SPOCK3: variants seen among roughly 807,000 people sequenced by gnomAD.
The protein encoded by SPOCK3 is SPARC (osteonectin), cwcv and kazal like domains proteoglycan 3.
In SPOCK3, 30 loss-of-function variants were observed where a neutral mutation model predicts 56.6. The ratio of observed to expected loss-of-function variants is 0.53; its 90% CI spans 0.40 to 0.72. The LOEUF (loss-of-function observed/expected upper bound fraction) is 0.72, where lower values mean the gene tolerates loss of function less well. Among genes scored for constraint, SPOCK3 ranks in the 30% least tolerant of loss-of-function variants. The pLI is 0.00. For missense variants in SPOCK3, 527 were observed against 530.0 expected, an observed-to-expected ratio of 0.99 and a Z score of 0.06; for synonymous variants, 196 against 183.3, an observed-to-expected ratio of 1.07 and a Z score of -0.56.
intron 2 of SPOCK3, among the ~76,000 whole-genome samples, chr4:167,109,498 A>G (rs1760700285): frequency 1.7e-5 from 2 of 116,894 alleles, no homozygotes; most frequent in East Asian, 2.3e-4. Context: ...ATATTTATAT[A>G]TTTTATATAA....
intron 2 of SPOCK3, among the ~76,000 whole-genome samples, chr4:167,227,253 T>C (rs1040334051): frequency 1.6e-4 from 24 of 152,166 alleles, no homozygotes; most frequent in African/African-American, 5.8e-4. Flanking sequence ...ATTTCTATTT[T>C]GGCAAGTTTT....
chr4:167,049,178 C>T (rs1753977966), intron 3 of SPOCK3, among the ~76,000 whole-genome samples: 3 of 150,986 alleles, frequency 2.0e-5, no homozygotes, highest in Admixed American at 6.6e-5. Context: ...GATTTCAGCT[C>T]ACTGCAACCT....
At chr4:167,096,088 C>T (rs1306128541) in intron 2 of SPOCK3, among the ~76,000 whole-genome samples, 4 of 151,816 alleles carry the variant, frequency 2.6e-5, no homozygotes, top group Non-Finnish European at 4.4e-5. Context: ...AACTATAAAT[C>T]TCTGAAGAAC....
intron 4 of SPOCK3, chr4:166,918,280 C>A (rs1738095912): frequency 1.3e-5 from 2 of 152,194 alleles, no homozygotes; most frequent in African/African-American, 4.8e-5. Context: ...ACACTATTTA[C>A]TTTAAATGAT....
chr4:167,164,461 A>G (rs939813467), intron 2 of SPOCK3, among the ~76,000 whole-genome samples: 2 of 152,102 alleles, frequency 1.3e-5, no homozygotes, highest in Non-Finnish European at 2.9e-5. Context: ...TTCAGGATAC[A>G]TGTGCAGAAT....
At chr4:166,890,142 A>G (rs781548733) in intron 5 of SPOCK3, among the ~76,000 whole-genome samples, 27 of 151,950 alleles carry the variant, frequency 1.8e-4, no homozygotes, top group Non-Finnish European at 2.9e-4. Flanking sequence ...ACAGTATAGC[A>G]TGCCTCTCTT....
intron 2 of SPOCK3, among the ~76,000 whole-genome samples, chr4:167,128,175 T>G (rs1762437185): frequency 6.6e-6 from 1 of 152,184 alleles, no homozygotes; most frequent in Admixed American, 6.5e-5. Flanking sequence ...TCTCACTTTT[T>G]CCCCGAATAC....
intron 3 of SPOCK3, chr4:167,011,367 T>C (rs1750047520): frequency 4.4e-6 from 2 of 451,918 alleles, no homozygotes; most frequent in South Asian, 3.1e-5. Context: ...ACAACCTCTC[T>C]AAAATACTTT....
rs566142603 is a variant in SPOCK3, at chr4:166,888,619, A to G, written c.589+511T>C. On this transcript the variant is annotated intron_variant, in intron 6 of 10. Coordinates refer to ENST00000357545, the MANE Select transcript of SPOCK3 (RefSeq NM_001040159.2). ...GATAGTAAACCAATAAAAACAATGA[A>G]TTAAAGACTTCATCTGGTCAAAAAA... 2.0e-5 allele frequency among the ~76,000 whole-genome samples: 3 copies of G among 152,196 alleles called. No individual in the cohort carries two copies. The East Asian group carries it at 5.8e-4, about 29-fold the overall frequency.
intron 2 of SPOCK3, among the ~76,000 whole-genome samples, chr4:167,120,955 T>C (rs1761816146): frequency 1.3e-5 from 2 of 151,952 alleles, no homozygotes; most frequent in South Asian, 4.1e-4. Context: ...CATTACCAAA[T>C]GTCTATTTTT....
intron 7 of SPOCK3, among the ~76,000 whole-genome samples, chr4:166,776,277 G>A (rs995199781): frequency 2.0e-5 from 3 of 152,032 alleles, no homozygotes; most frequent in African/African-American, 7.2e-5. Flanking sequence ...GCTAAGTGTG[G>A]TGGTGGGTGC....
chr4:167,145,685 C>A (rs1018764123), intron 2 of SPOCK3, among the ~76,000 whole-genome samples: 8 of 152,096 alleles, frequency 5.3e-5, no homozygotes, highest in Admixed American at 5.2e-4. Flanking sequence ...ATTTTCAATC[C>A]AGAATTTCAT....
intron 3 of SPOCK3, among the ~76,000 whole-genome samples, chr4:167,024,869 A>G (rs576769374): frequency 3.3e-5 from 5 of 152,120 alleles, no homozygotes; most frequent in African/African-American, 9.6e-5. Flanking sequence ...AATTTTAAAA[A>G]TTTTTAAAAG....
chr4:166,996,955 T>A (rs994729639), intron 4 of SPOCK3, among the ~76,000 whole-genome samples: 1 of 152,184 alleles, frequency 6.6e-6, no homozygotes, highest in Non-Finnish European at 1.5e-5. Context: ...AACCAATCGT[T>A]ACATCCCTCA....
chr4:166,734,976 T>C lies in SPOCK3; in HGVS notation c.1247A>G (p.Asp416Gly), dbSNP rs1240100681. The stretch of plus-strand genomic sequence containing the variant: ...ATCATCATCATCCCCTTCATCTTCA[T>C]CATCATCTTCAATTTCATCTTCATC... ...MNDEDEIEDD[D>G]EDEGDDDDGG... Residue 416 changes from aspartate to glycine, a missense_variant, in exon 11 of 11, where the codon GAT (aspartate) becomes GGT (glycine). Coordinates refer to ENST00000357545, the MANE Select transcript of SPOCK3 (RefSeq NM_001040159.2). The C allele has an allele frequency of 2.0e-6, 3 of 1,520,042 alleles. No homozygotes were observed. The highest frequency in any genetic ancestry group is 2.7e-6 in the Non-Finnish European group (3 of 1,095,188). The allele number at this position is 1,520,042 out of a possible 1,614,324, so 94.2% of individuals were successfully genotyped here.
At chr4:166,841,973 C>T (rs1165345568) in intron 6 of SPOCK3, among the ~76,000 whole-genome samples, 1 of 152,164 alleles carries the variant, frequency 6.6e-6, no homozygotes, top group African/African-American at 2.4e-5. Flanking sequence ...TTTCTTCCTT[C>T]TGGTGGGTCT....
At chr4:167,227,616 G>T (rs896547000) in intron 2 of SPOCK3, among the ~76,000 whole-genome samples, 2 of 151,784 alleles carry the variant, frequency 1.3e-5, no homozygotes, top group African/African-American at 4.8e-5. Context: ...GAGGTAGAAA[G>T]AATAGAAAAG....
rs1239434120 is a variant in SPOCK3, at chr4:166,741,980, A to G, written c.994+17T>C. On this transcript the variant is annotated intron_variant, in intron 9 of 10. Transcript: ENST00000357545. ...ATGTAAGCAATAAAGCCTTCAGAAGAATGATCTATTACTCACCTAGGAGCT... is the reference window on the plus strand; with the variant it reads ...ATGTAAGCAATAAAGCCTTCAGAAGGATGATCTATTACTCACCTAGGAGCT... 1.3e-6 allele frequency: 2 copies of G among 1,585,354 alleles called. No homozygotes were observed. Among genetic ancestry groups the G allele is most frequent in the Admixed American group, 1.7e-5 (1 of 59,286 alleles).
intron 6 of SPOCK3, among the ~76,000 whole-genome samples, chr4:166,865,217 G>A (rs1467714612): frequency 1.3e-5 from 2 of 152,072 alleles, no homozygotes; most frequent in African/African-American, 2.4e-5. Context: ...AAAGGCCTTC[G>A]ATAAAATTCA....
Sources: gnomAD v4.1 joint callset for allele counts (sites outside exome capture counted in the v4.1 genomes callset) on GRCh38, gnomAD v4.1.1 for gene constraint, MANE v1.5 for transcripts, NCBI Gene and HGNC (gene_info 2026-07-23, HGNC 2026-07-21) for gene names.